PTPRG: variants seen among roughly 807,000 people sequenced by gnomAD.
The protein encoded by PTPRG is protein tyrosine phosphatase receptor type G.
Under a neutral mutation model 165.3 loss-of-function variants are expected in PTPRG, and 102 were observed. The observed-to-expected ratio is 0.62, with a 90% CI of 0.53 to 0.73. The LOEUF (loss-of-function observed/expected upper bound fraction) is 0.73. Among genes scored for constraint, PTPRG ranks in the 30% least tolerant of loss-of-function variants. The probability of loss-of-function intolerance (pLI) is 0.00; values close to 1 mark genes in which losing one functional copy is unlikely to be tolerated. For synonymous variants in PTPRG, 675 were observed against 669.5 expected (o/e 1.01, Z -0.13); for missense variants, 1,866 against 1,861.4 (o/e 1.00, Z -0.05).
chr3:61,934,716 T>C (rs1362870281), intron 2 of PTPRG, among the ~76,000 whole-genome samples: 1 of 152,160 alleles, frequency 6.6e-6, no homozygotes, highest in African/African-American at 2.4e-5. Context: ...GGTCAGAATT[T>C]ATTCACATGT....
At position 62,294,238 on chromosome 3, in the gene PTPRG, T is replaced by C. The variant is rs765535119; in HGVS notation, c.*931T>C. 2.0e-5 allele frequency: 3 copies of C among 152,158 alleles called. No homozygotes were observed. Among genetic ancestry groups the C allele is most frequent in the Non-Finnish European group, 4.4e-5 (3 of 68,004 alleles). 9.4% of individuals were successfully genotyped at this position (152,158 alleles called of 1,614,324 possible). ...TTCTGCAGGTGTGTAATTTTGAAAC[T>C]AGTCCTCTAAAAATTCCCTATTACT... On this transcript the variant is annotated 3_prime_UTR_variant, in exon 30 of 30. Transcript: ENST00000474889.
chr3:61,588,240 T>G (rs1559513675), intron 1 of PTPRG, among the ~76,000 whole-genome samples: 1 of 152,112 alleles, frequency 6.6e-6, no homozygotes, highest in Non-Finnish European at 1.5e-5. Flanking sequence ...TTTCAACTCT[T>G]TTTGATCTGG....
chr3:61,853,565 T>G (rs770587417), intron 2 of PTPRG, among the ~76,000 whole-genome samples: 42 of 152,228 alleles, frequency 2.8e-4, no homozygotes, highest in Non-Finnish European at 4.3e-4. Flanking sequence ...CTGACCCAGC[T>G]GACATCTTGA....
At chr3:62,082,465 T>G (rs1265743601) in intron 5 of PTPRG, among the ~76,000 whole-genome samples, 2 of 152,232 alleles carry the variant, frequency 1.3e-5, no homozygotes, top group Non-Finnish European at 2.9e-5. Context: ...ACACAGTGTT[T>G]ATGATTCTTT....
At chr3:62,277,119 T>C in intron 25 of PTPRG, 71 bp downstream of exon 25, 1 of 1,102,290 alleles carries the variant, frequency 9.1e-7, no homozygotes, top group Non-Finnish European at 1.4e-6. Context: ...ATACCACCTG[T>C]GTGACTGATG....
At chr3:61,774,724 A>G (rs1210244148) in intron 2 of PTPRG, among the ~76,000 whole-genome samples, 1 of 152,240 alleles carries the variant, frequency 6.6e-6, no homozygotes, top group Non-Finnish European at 1.5e-5. Flanking sequence ...TGCAGGCAGC[A>G]GGGAGTGAAG....
intron 5 of PTPRG, among the ~76,000 whole-genome samples, chr3:62,093,640 C>T (rs1369347138): frequency 6.6e-6 from 1 of 152,186 alleles, no homozygotes; most frequent in African/African-American, 2.4e-5. Flanking sequence ...GGAACAAGGC[C>T]TGCCTGGCCT....
chr3:61,947,370 TA>T (rs1427655508), intron 2 of PTPRG, among the ~76,000 whole-genome samples: 2 of 152,124 alleles, frequency 1.3e-5, no homozygotes, highest in Admixed American at 1.3e-4. Context: ...ATACGTGACA[TA>T]AGGAAGGGTT....
intron 4 of PTPRG, among the ~76,000 whole-genome samples, chr3:62,050,666 C>G (rs1700443455): frequency 1.3e-5 from 2 of 152,238 alleles, no homozygotes; most frequent in East Asian, 1.9e-4. Flanking sequence ...CTATCCCAAT[C>G]TAGCTGAAGA....
chr3:61,771,320 G>C (rs1421907532), intron 2 of PTPRG: 1 of 151,672 alleles, frequency 6.6e-6, no homozygotes, highest in East Asian at 1.9e-4. Context: ...AAAGAGGAGA[G>C]AAACGGGGGG....
chr3:62,061,570 C>T (rs1293654266), intron 4 of PTPRG, among the ~76,000 whole-genome samples: 1 of 152,050 alleles, frequency 6.6e-6, no homozygotes, highest in Non-Finnish European at 1.5e-5. Flanking sequence ...AGTTATTAAC[C>T]CCTTTGCTAA....
intron 8 of PTPRG, among the ~76,000 whole-genome samples, chr3:62,169,833 C>T (rs534957172): frequency 6.6e-6 from 1 of 151,898 alleles, no homozygotes; most frequent in African/African-American, 2.4e-5. Context: ...TCAAGAGTGC[C>T]CCCACCCCCA....
intron 4 of PTPRG, among the ~76,000 whole-genome samples, chr3:62,041,550 C>A (rs1454798085): frequency 6.6e-6 from 1 of 152,120 alleles, no homozygotes; most frequent in Non-Finnish European, 1.5e-5. Context: ...CCTTCCACTC[C>A]TAATTCTGAA....
intron 4 of PTPRG, among the ~76,000 whole-genome samples, chr3:62,050,285 GAT>G (rs1700429909): frequency 6.6e-6 from 1 of 152,156 alleles, no homozygotes; most frequent in South Asian, 2.1e-4. Context: ...GTTCTGTCTA[GAT>G]ATGTTTAGAT....
intron 2 of PTPRG, among the ~76,000 whole-genome samples, chr3:61,892,644 CCTT>C (rs1167149730): frequency 6.6e-6 from 1 of 152,018 alleles, no homozygotes; most frequent in African/African-American, 2.4e-5. Context: ...TGGAGAAACC[CCTT>C]CTTTACTAAA....
intron 2 of PTPRG, among the ~76,000 whole-genome samples, chr3:61,800,673 T>TG (rs145804422): frequency 0.11 from 16,483 of 151,168 alleles, 1,140 homozygotes; most frequent in East Asian, 0.32. Flanking sequence ...TTTTTTTTTT[T>TG]GTTCTTGTTG....
chr3:62,279,431 G>A (rs1432899097), intron 26 of PTPRG, among the ~76,000 whole-genome samples: 1 of 151,976 alleles, frequency 6.6e-6, no homozygotes, highest in Non-Finnish European at 1.5e-5. Flanking sequence ...TACTATTCAT[G>A]TTATCATCAT....
chr3:62,227,355 G>A (rs541600978), intron 13 of PTPRG, among the ~76,000 whole-genome samples: 2 of 152,350 alleles, frequency 1.3e-5, no homozygotes, highest in African/African-American at 4.8e-5. Context: ...GGTATCATAA[G>A]AATGACTTCT....
chr3:61,992,108 C>A (rs556543376), intron 3 of PTPRG, among the ~76,000 whole-genome samples: 2 of 152,300 alleles, frequency 1.3e-5, no homozygotes, highest in East Asian at 3.9e-4. Flanking sequence ...TACTCTCATA[C>A]AACTTATTAC....
Sources: allele counts gnomAD v4.1 joint callset (sites outside exome capture counted in the v4.1 genomes callset), GRCh38; gene constraint gnomAD v4.1.1; transcripts MANE v1.5; gene names NCBI Gene and HGNC (gene_info 2026-07-23, HGNC 2026-07-21).